Variants in FOXJ3 observed in about 807,000 individuals in gnomAD.
FOXJ3 encodes forkhead box J3, also known as forkhead box protein J3.
FOXJ3 carries 22 observed loss-of-function variants against 76.1 expected under a neutral mutation model. The ratio of observed to expected loss-of-function variants is 0.29; its 90% CI spans 0.21 to 0.41. The LOEUF (loss-of-function observed/expected upper bound fraction) is 0.41. Ranked by LOEUF, FOXJ3 falls within the 10% of genes least tolerant of loss-of-function variation. FOXJ3 has a pLI of 1.00. For missense variants in FOXJ3, 613 were observed against 762.1 expected, an observed-to-expected ratio of 0.80 and a Z score of 2.30; for synonymous variants, 269 against 261.2, an observed-to-expected ratio of 1.03 and a Z score of -0.29.
At chr1:42,329,129 C>T (rs1464623050) in intron 1 of FOXJ3, among the ~76,000 whole-genome samples, 4 of 152,106 alleles carry the variant, frequency 2.6e-5, no homozygotes, top group Admixed American at 2.0e-4. Context: ...CAAATAGAAT[C>T]GCAGCCAAAG....
chr1:42,289,816 A>C (rs1570167172), intron 2 of FOXJ3, among the ~76,000 whole-genome samples: 1 of 152,188 alleles, frequency 6.6e-6, no homozygotes, highest in Non-Finnish European at 1.5e-5. Context: ...TCATAAATAC[A>C]TTCTATCTAC....
At chr1:42,279,999 AC>A in intron 2 of FOXJ3, among the ~76,000 whole-genome samples, 1 of 152,230 alleles carries the variant, frequency 6.6e-6, no homozygotes, top group East Asian at 1.9e-4. Context: ...GGTAAGGAAG[AC>A]CCAGAGTCTA....
intron 3 of FOXJ3, 49 bp downstream of exon 3, chr1:42,278,299 A>G: frequency 8.0e-7 from 1 of 1,246,550 alleles, no homozygotes; most frequent in East Asian, 2.3e-5. Context: ...AGTAGAAATC[A>G]ACATCATTGC....
intron 4 of FOXJ3, among the ~76,000 whole-genome samples, chr1:42,228,716 A>G (rs186066180): frequency 4.9e-4 from 75 of 152,302 alleles, no homozygotes; most frequent in Middle Eastern, 6.8e-3. Flanking sequence ...AAACAGAAAC[A>G]AAGTCTGGAT....
intron 4 of FOXJ3, among the ~76,000 whole-genome samples, chr1:42,262,625 T>C (rs1252943999): frequency 6.6e-6 from 1 of 152,094 alleles, no homozygotes; most frequent in African/African-American, 2.4e-5. Context: ...GAGGTGGTCC[T>C]ATCACTTGAG....
chr1:42,208,156 A>C (rs1275918766), intron 5 of FOXJ3, among the ~76,000 whole-genome samples: 2 of 152,254 alleles, frequency 1.3e-5, no homozygotes, highest in Non-Finnish European at 2.9e-5. Context: ...GAACATCAAC[A>C]CAGTATTTCA....
intron 1 of FOXJ3, among the ~76,000 whole-genome samples, chr1:42,319,849 A>G (rs999841305): frequency 1.3e-5 from 2 of 152,212 alleles, no homozygotes; most frequent in African/African-American, 4.8e-5. Flanking sequence ...ACAACTCTAG[A>G]AAAAACAATT....
At chr1:42,239,827 C>A (rs1648985745) in intron 4 of FOXJ3, among the ~76,000 whole-genome samples, 1 of 152,118 alleles carries the variant, frequency 6.6e-6, no homozygotes, top group African/African-American at 2.4e-5. Flanking sequence ...ATGATGAATC[C>A]AACCAACTAT....
chr1:42,298,749 A>G (rs924102219), intron 2 of FOXJ3, among the ~76,000 whole-genome samples: 1 of 151,762 alleles, frequency 6.6e-6, no homozygotes, highest in African/African-American at 2.4e-5. Flanking sequence ...GTAGCTTGAG[A>G]TCTTCCTATC....
At chr1:42,250,392 G>C (rs1190286953) in intron 4 of FOXJ3, among the ~76,000 whole-genome samples, 1 of 152,112 alleles carries the variant, frequency 6.6e-6, no homozygotes, top group Non-Finnish European at 1.5e-5. Context: ...AAGGGAAGCA[G>C]AGTCTCCTAT....
chr1:42,295,517 GTCT>G (rs1216074674), intron 2 of FOXJ3, among the ~76,000 whole-genome samples: 2 of 130,044 alleles, frequency 1.5e-5, no homozygotes, highest in Non-Finnish European at 3.2e-5. Flanking sequence ...GACTACAAGT[GTCT>G]TTTTTTTTTT....
At chr1:42,265,878 G>A (rs1411139781) in intron 3 of FOXJ3, among the ~76,000 whole-genome samples, 1 of 152,096 alleles carries the variant, frequency 6.6e-6, no homozygotes, top group Non-Finnish European at 1.5e-5. Context: ...ACCCAAGGTG[G>A]GTAGCAGGAA....
chr1:42,322,913 G>C (rs903388724), intron 1 of FOXJ3, among the ~76,000 whole-genome samples: 1 of 152,142 alleles, frequency 6.6e-6, no homozygotes, highest in African/African-American at 2.4e-5. Context: ...TTCACAACTG[G>C]AGTATTGTAT....
At position 42,302,079 on chromosome 1, in the gene FOXJ3, T is replaced by C. The variant is rs76984128; in HGVS notation, c.44+8971A>G. Among the ~76,000 whole-genome samples, 591 of 152,344 alleles carry C rather than the reference T, an allele frequency of 3.9e-3. 24 individuals are homozygous for C. The East Asian group carries it at 0.089, about 23-fold the overall frequency. On this transcript the variant is annotated intron_variant, in intron 2 of 12. Coordinates refer to ENST00000361346, the MANE Select transcript of FOXJ3 (RefSeq NM_014947.5). Reference sequence around the variant, plus strand: ...GAGTCTGCATTAAGTTCCATGGTTGTAGACAGCCTTTGAATGGTAGTTTTC... The same window carrying C: ...GAGTCTGCATTAAGTTCCATGGTTGCAGACAGCCTTTGAATGGTAGTTTTC...
intron 11 of FOXJ3, among the ~76,000 whole-genome samples, chr1:42,184,728 A>C (rs1475708797): frequency 6.6e-6 from 1 of 152,136 alleles, no homozygotes; most frequent in African/African-American, 2.4e-5. Flanking sequence ...ACTGCTGAGT[A>C]GTGGTGCCAT....
intron 1 of FOXJ3, among the ~76,000 whole-genome samples, chr1:42,313,794 GCTTT>G (rs935874823): frequency 2.6e-5 from 4 of 152,072 alleles, no homozygotes; most frequent in East Asian, 1.9e-4. Flanking sequence ...CAGCAGAGCA[GCTTT>G]CTTTATTTAA....
intron 4 of FOXJ3, among the ~76,000 whole-genome samples, chr1:42,236,450 C>T (rs1211889604): frequency 1.3e-5 from 2 of 152,216 alleles, no homozygotes; most frequent in Non-Finnish European, 2.9e-5. Flanking sequence ...CCCACCTAGG[C>T]ATCCCAAGCA....
chr1:42,323,785 T>C (rs1655570467), intron 1 of FOXJ3: 1 of 658,186 alleles, frequency 1.5e-6, no homozygotes, highest in Non-Finnish European at 1.9e-6. Flanking sequence ...GATTATCTTG[T>C]GAAAGAAGGC....
chr1:42,231,886 G>A (rs894345244), intron 4 of FOXJ3, among the ~76,000 whole-genome samples: 3 of 152,080 alleles, frequency 2.0e-5, no homozygotes, highest in Admixed American at 6.5e-5. Context: ...CCATGTTGGT[G>A]TGCTGCACCC....
Sources: allele counts gnomAD v4.1 joint callset (sites outside exome capture counted in the v4.1 genomes callset), GRCh38; gene constraint gnomAD v4.1.1; transcripts MANE v1.5; gene names NCBI Gene and HGNC (gene_info 2026-07-23, HGNC 2026-07-21).